Variants in FBN3 observed in about 807,000 individuals in gnomAD.
The protein encoded by FBN3 is fibrillin 3.
In FBN3, 234 loss-of-function variants were observed where a neutral mutation model predicts 330.1. That is an observed-to-expected ratio of 0.71 (90% CI 0.64 to 0.79). The LOEUF is 0.79. FBN3 is among the 30% of genes least tolerant of loss of function. The probability of loss-of-function intolerance (pLI) is 0.00; values close to 1 mark genes in which losing one functional copy is unlikely to be tolerated. For synonymous variants in FBN3, 1,458 were observed against 1,517.3 expected (o/e 0.96, Z 0.91); for missense variants, 3,606 against 3,886.9 (o/e 0.93, Z 1.92).
In FBN3 at chr19:8,138,573, G is replaced by A. The variant is rs749956168; in HGVS notation, c.866-9C>T. The stretch of plus-strand genomic sequence containing the variant: ...GGCGCCGGCCCGGTAGTCTGCAAAA[G>A]ATCAGAGGGTGAGCCCATGAGCACA... On this transcript the variant is annotated splice_polypyrimidine_tract_variant and intron_variant, in intron 8 of 63. Coordinates refer to ENST00000600128, the MANE Select transcript of FBN3 (RefSeq NM_032447.5). 1 of 1,599,028 alleles carries A rather than the reference G, an allele frequency of 6.3e-7. No homozygotes were observed. The highest frequency in any genetic ancestry group is 1.1e-5 in the South Asian group (1 of 89,512).
Position 8,121,442 on chromosome 19 carries a change from C to CG in FBN3, c.3083-57dup. On this transcript the variant is annotated intron_variant, in intron 24 of 63. Transcript: ENST00000600128. This position sits in a 1 kb window ranked among gnomAD's most constrained non-coding sequence, Gnocchi z 4.5. ...GCCATGTGGGCCGCATCATGGGGCA[C>CG]GAGGCAGGGGGGTCCCTGTCCTTTG... 2 of 1,498,870 alleles carry CG rather than the reference C, an allele frequency of 1.3e-6. No homozygotes were observed. Among genetic ancestry groups the CG allele is most frequent in the Non-Finnish European group, 1.8e-6 (2 of 1,115,600 alleles). 92.8% of individuals were successfully genotyped at this position (1,498,870 alleles called of 1,614,324 possible). A position where few individuals can be genotyped will look rare whatever the true frequency, so the allele number is the denominator to read the frequency against.
chr19:8,090,354 TC>T (rs1226005700), intron 48 of FBN3, 103 bp from the exon 49 acceptor site: 1 of 1,348,616 alleles, frequency 7.4e-7, no homozygotes, highest in Admixed American at 2.1e-5. Context: ...GTTGTGCTGA[TC>T]CTGCCAGTGG....
intron 54 of FBN3, 30 bp from the exon 55 acceptor site, chr19:8,086,355 G>C (rs8103000): frequency 0.29 from 457,599 of 1,563,828 alleles, 68,834 homozygotes; most frequent in Admixed American, 0.43. Context: ...GCAGGTGGGC[G>C]GGGAGGCCAC....
At position 8,097,242 on chromosome 19, in the gene FBN3, A is replaced by G. The variant is rs749600201; in HGVS notation, c.5287+47T>C. On this transcript the variant is annotated intron_variant, in intron 42 of 63. Transcript: ENST00000600128. ...TCGCCCAGATTGCACAGTGGCGGACATGCATCCCACCCAGGCCCCAGGGCT... is the reference window on the plus strand; with the variant it reads ...TCGCCCAGATTGCACAGTGGCGGACGTGCATCCCACCCAGGCCCCAGGGCT... 8.6e-5 allele frequency: 136 copies of G among 1,579,084 alleles called. 1 individual carries two copies. Among genetic ancestry groups the G allele is most frequent in the Non-Finnish European group, 1.1e-4 (127 of 1,154,864 alleles).
At chr19:8,141,613 G>A in intron 8 of FBN3, 104 bp downstream of exon 8, 2 of 1,323,620 alleles carry the variant, frequency 1.5e-6, no homozygotes, top group African/African-American at 1.5e-5. Flanking sequence ...TCAGAACTGG[G>A]CACCTCACCA....
chr19:8,066,836 G>C (rs1414783478), intron 63 of FBN3, among the ~76,000 whole-genome samples: 1 of 151,936 alleles, frequency 6.6e-6, no homozygotes, highest in Non-Finnish European at 1.5e-5. Flanking sequence ...CTGAGATCAC[G>C]CTACTGCACT....
Position 8,141,700 on chromosome 19 carries a change from C to T in FBN3, c.865+17G>A, listed in dbSNP as rs1161360205. 6.2e-7 allele frequency: 1 copy of T among 1,606,706 alleles called. No individual in the cohort carries two copies. The highest frequency in any genetic ancestry group is 2.2e-5 in the East Asian group (1 of 44,814). ...GTCACAGAGGAGGTCTCAGGTTGTC[C>T]CCCTCCAGTCACCCACCTTCACATG... On this transcript the variant is annotated intron_variant, in intron 8 of 63. Transcript: ENST00000600128.
chr19:8,096,591 T>A lies in FBN3; in HGVS notation c.5414-22A>T, dbSNP rs749962294. On this transcript the variant is annotated intron_variant, in intron 43 of 63. Coordinates refer to ENST00000600128, the MANE Select transcript of FBN3 (RefSeq NM_032447.5). The surrounding 1 kb of genome is among the most constrained non-coding windows in gnomAD (Gnocchi z 4.6). ...CGTCCTGGGGGTGCAGAGAGCATGGTGTTCCCAGGGCTCCTACCACAGTGT... is the reference window on the plus strand; with the variant it reads ...CGTCCTGGGGGTGCAGAGAGCATGGAGTTCCCAGGGCTCCTACCACAGTGT... 2 of 1,597,568 alleles carry A rather than the reference T, an allele frequency of 1.3e-6. No individual in the cohort carries two copies. Among genetic ancestry groups the A allele is most frequent in the Admixed American group, 3.4e-5 (2 of 59,318 alleles).
At position 8,075,011 on chromosome 19, in the gene FBN3, C is replaced by T. The variant is rs145577322; in HGVS notation, c.7702+60G>A. ...ATCTTGCAGGGTGGCGTCTGTTAGT[C>T]GCCTGCTCTGAGCAGATTCTGGTGG... On this transcript the variant is annotated intron_variant, in intron 61 of 63. Coordinates refer to ENST00000600128, the MANE Select transcript of FBN3 (RefSeq NM_032447.5). 1.0e-4 allele frequency: 163 copies of T among 1,558,332 alleles called. 1 individual carries two copies. In the East Asian group the frequency reaches 3.3e-3, roughly 31 times the overall value.
At chr19:8,123,631 T>C (rs1317760210) in intron 23 of FBN3, 42 bp from the exon 24 acceptor site, 3 of 1,610,722 alleles carry the variant, frequency 1.9e-6, no homozygotes, top group Non-Finnish European at 1.7e-6. Context: ...GTCCCCAAGC[T>C]CAGGATCCAT....
intron 63 of FBN3, among the ~76,000 whole-genome samples, chr19:8,070,979 G>A (rs1393465347): frequency 2.7e-5 from 4 of 147,900 alleles, no homozygotes; most frequent in East Asian, 2.0e-4. Context: ...CCGAGATCAC[G>A]CCATTGCATT....
intron 57 of FBN3, among the ~76,000 whole-genome samples, chr19:8,082,705 G>T (rs1465845352): frequency 6.6e-6 from 1 of 152,114 alleles, no homozygotes. Flanking sequence ...TCTTGGCCAG[G>T]CTGGTCTTGA....
In FBN3 at chr19:8,121,225, C is replaced by G. The variant is rs574605005; in HGVS notation, c.3211+33G>C. Reference sequence around the variant, plus strand: ...TCCTCAATGCCCTCCCTGCCCAGGGCGCCCACCACACCCCTGCCCGGCAGT... The same window carrying G: ...TCCTCAATGCCCTCCCTGCCCAGGGGGCCCACCACACCCCTGCCCGGCAGT... On this transcript the variant is annotated intron_variant, in intron 25 of 63. Transcript: ENST00000600128. This position sits in a 1 kb window ranked among gnomAD's most constrained non-coding sequence, Gnocchi z 4.5. The G allele has an allele frequency of 6.4e-7, 1 of 1,555,980 alleles. No individual in the cohort carries two copies.
In FBN3 at chr19:8,121,182, C is replaced by T. The variant is rs2082839270; in HGVS notation, c.3211+76G>A. The T allele has an allele frequency of 1.7e-5, 23 of 1,385,610 alleles. No homozygotes were observed. The highest frequency in any genetic ancestry group is 2.0e-5 in the Non-Finnish European group (20 of 1,015,886). 85.8% of individuals were successfully genotyped at this position (1,385,610 alleles called of 1,614,324 possible). A position where few individuals can be genotyped will look rare whatever the true frequency, so the allele number is the denominator to read the frequency against. Reference sequence around the variant, plus strand: ...TCCATCCACGTCCACACAGCAACAGCCGTCCCCACCCTCCCTCTCCTCAAT... The same window carrying T: ...TCCATCCACGTCCACACAGCAACAGTCGTCCCCACCCTCCCTCTCCTCAAT... On this transcript the variant is annotated intron_variant, in intron 25 of 63. Coordinates refer to ENST00000600128, the MANE Select transcript of FBN3 (RefSeq NM_032447.5). The surrounding 1 kb of genome is among the most constrained non-coding windows in gnomAD (Gnocchi z 4.5).
Position 8,121,355 on chromosome 19 carries a change from G to C in FBN3, c.3114C>G (p.Leu1038=). Residue 1038 remains leucine, a synonymous_variant, in exon 25 of 64, where the codon CTC becomes CTG. Transcript: ENST00000600128. This position sits in a 1 kb window ranked among gnomAD's most constrained non-coding sequence, Gnocchi z 4.5. ...DIDECRISPD[L]CGQGTCVNTP... is the part of the protein sequence containing the mutation. ...TGTTGACACAGGTGCCCTGGCCGCAGAGGTCAGGAGAGATGCGACACTCGT... is the reference window on the plus strand; with the variant it reads ...TGTTGACACAGGTGCCCTGGCCGCACAGGTCAGGAGAGATGCGACACTCGT... 13 of 1,611,680 alleles carry C rather than the reference G, an allele frequency of 8.1e-6. No homozygotes were observed. The highest frequency in any genetic ancestry group is 1.0e-5 in the Non-Finnish European group (12 of 1,178,818).
At position 8,083,382 on chromosome 19, in the gene FBN3, A is replaced by G; in HGVS notation, c.7088-10T>C. On this transcript the variant is annotated splice_polypyrimidine_tract_variant and intron_variant, in intron 56 of 63. Coordinates refer to ENST00000600128, the MANE Select transcript of FBN3 (RefSeq NM_032447.5). The stretch of plus-strand genomic sequence containing the variant: ...CGGCATTCATCTACATCTGGGAAAA[A>G]GTAGGGTGCAAATGGGGCTGGCTGG... The G allele has an allele frequency of 6.2e-7, 1 of 1,613,750 alleles. No individual in the cohort carries two copies. Among genetic ancestry groups the G allele is most frequent in the Non-Finnish European group, 8.5e-7 (1 of 1,179,990 alleles).
intron 16 of FBN3, among the ~76,000 whole-genome samples, chr19:8,130,133 A>G (rs1426750022): frequency 1.3e-5 from 2 of 151,904 alleles, no homozygotes. Flanking sequence ...CCTGACCTCA[A>G]GTGATCCACC....
Position 8,086,078 on chromosome 19 carries a change from C to T in FBN3, c.6880+122G>A. On this transcript the variant is annotated intron_variant, in intron 55 of 63. Coordinates refer to ENST00000600128, the MANE Select transcript of FBN3 (RefSeq NM_032447.5). ...GGGAACAGGCAGTGGAGGGAACAGG[C>T]AGTGGGAGGGACAGGGAGTGAAGGG... 6 of 437,056 alleles carry T rather than the reference C, an allele frequency of 1.4e-5. No homozygotes were observed. The South Asian group carries it at 1.7e-4, about 12-fold the overall frequency. The allele number at this position is 437,056 out of a possible 1,614,324, so 27.1% of individuals were successfully genotyped here. A position where few individuals can be genotyped will look rare whatever the true frequency, so the allele number is the denominator to read the frequency against.
intron 13 of FBN3, among the ~76,000 whole-genome samples, chr19:8,135,718 T>C (rs921770894): frequency 1.3e-5 from 2 of 152,112 alleles, no homozygotes; most frequent in Non-Finnish European, 2.9e-5. Flanking sequence ...GCACCAAGAC[T>C]GGCTCCAAAA....
Sources: allele counts gnomAD v4.1 joint callset (sites outside exome capture counted in the v4.1 genomes callset), GRCh38; gene constraint gnomAD v4.1.1; non-coding constraint Gnocchi (gnomAD v3.1); transcripts MANE v1.5; gene names NCBI Gene and HGNC (gene_info 2026-07-23, HGNC 2026-07-21).